Variants in SULF1 observed in about 807,000 individuals in gnomAD.
SULF1 encodes extracellular sulfatase Sulf-1.
In SULF1, 46 loss-of-function variants were observed where a neutral mutation model predicts 110.5. The observed-to-expected ratio is 0.42, with a 90% CI of 0.33 to 0.53. SULF1 has a LOEUF of 0.53. Among genes scored for constraint, SULF1 ranks in the 20% least tolerant of loss-of-function variants. The pLI, the probability that SULF1 is intolerant of heterozygous loss-of-function variation, is 0.12. For synonymous variants in SULF1, 371 were observed against 387.1 expected, an observed-to-expected ratio of 0.96 and a Z score of 0.49; for missense variants, 941 against 1,094.2, an observed-to-expected ratio of 0.86 and a Z score of 1.98.
At chr8:69,519,504 G>C (rs567649728) in intron 3 of SULF1, among the ~76,000 whole-genome samples, 1 of 152,210 alleles carries the variant, frequency 6.6e-6, no homozygotes, top group South Asian at 2.1e-4. Context: ...GCTAGAGTCA[G>C]GTTAGTTCTA....
chr8:69,658,854 A>G lies in SULF1; in HGVS notation c.*319A>G. On this transcript the variant is annotated 3_prime_UTR_variant, in exon 23 of 23. Transcript: ENST00000402687. Reference sequence around the variant, plus strand: ...GGAAAACACCTCATTTGACCTTGCCAGCTGACCTTCAAACCCTGCATTTGA... The same window carrying G: ...GGAAAACACCTCATTTGACCTTGCCGGCTGACCTTCAAACCCTGCATTTGA... The G allele has an allele frequency of 1.8e-6, 1 of 548,244 alleles. No homozygotes were observed. The highest frequency in any genetic ancestry group is 1.5e-5 in the South Asian group (1 of 65,398). The allele number at this position is 548,244 out of a possible 1,614,324, so 34.0% of individuals were successfully genotyped here.
At chr8:69,469,144 C>T (rs1451392792) in intron 1 of SULF1, 1 of 152,200 alleles carries the variant, frequency 6.6e-6, no homozygotes, top group Non-Finnish European at 1.5e-5. Flanking sequence ...CAGGGCAATC[C>T]CAGCTTCTTG....
At chr8:69,471,595 T>C (rs1809087147) in intron 1 of SULF1, among the ~76,000 whole-genome samples, 1 of 152,186 alleles carries the variant, frequency 6.6e-6, no homozygotes, top group East Asian at 1.9e-4. Flanking sequence ...CAAATATGGC[T>C]TTGGAGCAGG....
intron 5 of SULF1, among the ~76,000 whole-genome samples, chr8:69,574,554 A>G (rs1805465221): frequency 6.6e-6 from 1 of 152,192 alleles, no homozygotes; most frequent in African/African-American, 2.4e-5. Context: ...TGCTTTGCAA[A>G]TATCCCCAAG....
chr8:69,577,811 A>G (rs868601929), intron 6 of SULF1, among the ~76,000 whole-genome samples: 3 of 152,222 alleles, frequency 2.0e-5, no homozygotes, highest in Non-Finnish European at 2.9e-5. Context: ...GTCTATGGTC[A>G]TGAGCTAGTC....
In SULF1 at chr8:69,638,414, G is replaced by A; in HGVS notation, c.2285-88G>A. 5 of 1,430,092 alleles carry A rather than the reference G, an allele frequency of 3.5e-6. No homozygotes were observed. The South Asian group carries it at 3.9e-5, about 11-fold the overall frequency. 88.6% of individuals were successfully genotyped at this position (1,430,092 alleles called of 1,614,324 possible). ...AGAAAGAAATTGTGAACTTTAAAGT[G>A]TAAAGATAAGGGAACACTGGAATGG... On this transcript the variant is annotated intron_variant, in intron 19 of 22. Coordinates refer to ENST00000402687, the MANE Select transcript of SULF1 (RefSeq NM_001128205.2).
chr8:69,534,871 A>T (rs967363382), intron 3 of SULF1, among the ~76,000 whole-genome samples: 2 of 58,172 alleles, frequency 3.4e-5, no homozygotes, highest in Non-Finnish European at 3.6e-5. Context: ...AAGGAAATTT[A>T]AAAAAAAAAA....
intron 3 of SULF1, among the ~76,000 whole-genome samples, chr8:69,555,611 C>G (rs989282541): frequency 3.3e-5 from 5 of 151,602 alleles, no homozygotes; most frequent in Admixed American, 2.6e-4. Context: ...GAGCCAAGAT[C>G]TTGCCACTGC....
Position 69,575,961 on chromosome 8 carries a change from G to A in SULF1, c.173-9G>A. 6.2e-7 allele frequency: 1 copy of A among 1,613,280 alleles called. No individual in the cohort carries two copies. Among genetic ancestry groups the A allele is most frequent in the Non-Finnish European group, 8.5e-7 (1 of 1,179,558 alleles). On this transcript the variant is annotated splice_polypyrimidine_tract_variant and intron_variant, in intron 5 of 22. Transcript: ENST00000402687. The stretch of plus-strand genomic sequence containing the variant: ...CTTTGCTAAACAATGCTGGCACTGT[G>A]CCTTTCAGGGTCCCTGCAAGTCATG...
At chr8:69,543,852 T>C (rs1814035404) in intron 3 of SULF1, among the ~76,000 whole-genome samples, 1 of 152,214 alleles carries the variant, frequency 6.6e-6, no homozygotes, top group Non-Finnish European at 1.5e-5. Context: ...TACCAAGATA[T>C]CTACCTGCTC....
At chr8:69,645,517 G>T (rs1811830009) in intron 22 of SULF1, among the ~76,000 whole-genome samples, 2 of 152,342 alleles carry the variant, frequency 1.3e-5, no homozygotes, top group South Asian at 4.1e-4. Flanking sequence ...GTGCAGTCTG[G>T]TGTTAGAATG....
At chr8:69,528,373 G>A (rs1812845727) in intron 3 of SULF1, among the ~76,000 whole-genome samples, 1 of 152,140 alleles carries the variant, frequency 6.6e-6, no homozygotes, top group Admixed American at 6.5e-5. Context: ...TACCCAAATA[G>A]GAATGGGATT....
chr8:69,612,942 A>G (rs1195673741), intron 13 of SULF1, among the ~76,000 whole-genome samples: 1 of 152,060 alleles, frequency 6.6e-6, no homozygotes, highest in African/African-American at 2.4e-5. Flanking sequence ...GCCAATGTCT[A>G]GAAGAGTTTT....
chr8:69,652,157 C>A (rs919795404), intron 22 of SULF1, among the ~76,000 whole-genome samples: 7 of 152,090 alleles, frequency 4.6e-5, no homozygotes, highest in African/African-American at 1.7e-4. Context: ...CTCCTTCCTA[C>A]CACCTCCCTT....
At chr8:69,650,554 G>A (rs1206618097) in intron 22 of SULF1, among the ~76,000 whole-genome samples, 1 of 152,124 alleles carries the variant, frequency 6.6e-6, no homozygotes, top group East Asian at 1.9e-4. Flanking sequence ...AGCTTGCAGT[G>A]AGCTGAGATA....
intron 22 of SULF1, among the ~76,000 whole-genome samples, chr8:69,643,440 C>A (rs1472058483): frequency 6.6e-6 from 1 of 150,806 alleles, no homozygotes; most frequent in African/African-American, 2.4e-5. Context: ...AAGTTTTTAT[C>A]GTGAAATTTG....
At chr8:69,640,711 T>G (rs967476402) in intron 21 of SULF1, 97 bp from the exon 22 acceptor site, 3 of 1,041,818 alleles carry the variant, frequency 2.9e-6, no homozygotes, top group East Asian at 2.5e-5. Flanking sequence ...ATGTGTTTCT[T>G]TCTAGGATTT....
intron 16 of SULF1, 107 bp from the exon 17 acceptor site, chr8:69,627,665 G>C (rs1187571187): frequency 5.2e-6 from 4 of 766,298 alleles, no homozygotes; most frequent in Non-Finnish European, 8.9e-6. Flanking sequence ...TATCATCTCA[G>C]ATGAATAGCT....
intron 3 of SULF1, among the ~76,000 whole-genome samples, 190 bp downstream of exon 3, chr8:69,502,158 G>C (rs143690936): frequency 6.6e-6 from 1 of 152,228 alleles, no homozygotes; most frequent in South Asian, 2.1e-4. Flanking sequence ...GGCCTTCCAC[G>C]TGGTAGAGCC....
Sources: allele counts gnomAD v4.1 joint callset (sites outside exome capture counted in the v4.1 genomes callset), GRCh38; gene constraint gnomAD v4.1.1; transcripts MANE v1.5; gene names NCBI Gene and HGNC (gene_info 2026-07-23, HGNC 2026-07-21).